ZMYM2: variants seen among roughly 807,000 people sequenced by gnomAD.
ZMYM2 encodes zinc finger MYM-type containing 2.
In ZMYM2, 56 loss-of-function variants were observed where a neutral mutation model predicts 162.8. The observed-to-expected ratio is 0.34, with a 90% confidence interval of 0.28 to 0.43. ZMYM2 has a LOEUF of 0.43. Ranked by LOEUF, ZMYM2 falls within the 20% of genes least tolerant of loss-of-function variation. ZMYM2 has a pLI of 1.00. For synonymous variants in ZMYM2, 510 were observed against 541.6 expected, an observed-to-expected ratio of 0.94 and a Z score of 0.81; for missense variants, 1,275 against 1,621.8, an observed-to-expected ratio of 0.79 and a Z score of 3.67.
the ZMYM2 span, among the ~76,000 whole-genome samples, chr13:19,921,024 C>T: frequency 6.6e-6 from 1 of 152,090 alleles, no homozygotes; most frequent in Non-Finnish European, 1.5e-5. Flanking sequence ...CCACTTTGGC[C>T]TCCCAAAGTG....
At chr13:19,920,937 ATT>A in the ZMYM2 span, among the ~76,000 whole-genome samples, 3 of 138,264 alleles carry the variant, frequency 2.2e-5, no homozygotes, top group Admixed American at 7.3e-5. Flanking sequence ...TAATTTTTGT[ATT>A]TTTTTTTTTT....
At chr13:19,913,918 G>A in the ZMYM2 span, among the ~76,000 whole-genome samples, 3 of 152,146 alleles carry the variant, frequency 2.0e-5, no homozygotes, top group African/African-American at 2.4e-5. Flanking sequence ...TGCAGACACC[G>A]CCTGGAAGTG....
rs576279711 is a variant in ZMYM2, at chr13:19,983,590, A to G, written c.-10-9473A>G. On this transcript the variant is annotated intron_variant, in intron 2 of 24. Transcript: ENST00000610343. ...ATGCTTTTAATAATTCTTTCTTCCT[A>G]TAATTCCTTCTTCCTATTTTATTAG... 1.1e-4 allele frequency among the ~76,000 whole-genome samples: 16 copies of G among 152,196 alleles called. 1 individual carries two copies. The highest frequency in any genetic ancestry group is 7.7e-4 in the East Asian group (4 of 5,192).
the ZMYM2 span, among the ~76,000 whole-genome samples, chr13:19,941,549 G>A: frequency 6.6e-6 from 1 of 151,752 alleles, no homozygotes. Context: ...TCCTTATTTG[G>A]GTATAGTTTG....
At position 20,044,071 on chromosome 13, in the gene ZMYM2, C is replaced by G. The variant is rs1954535885; in HGVS notation, c.2292+7162C>G. The stretch of plus-strand genomic sequence containing the variant: ...ACTGGCCTCTTCTTATGGGCAAGAC[C>G]TCCCCGCAGAGTTCAGATCTGACAG... On this transcript the variant is annotated intron_variant, in intron 12 of 24. Coordinates refer to ENST00000610343, the MANE Select transcript of ZMYM2 (RefSeq NM_197968.4). Among the ~76,000 whole-genome samples the G allele has an allele frequency of 3.9e-5, 6 of 152,222 alleles. No individual in the cohort carries two copies. The South Asian group carries it at 1.2e-3, about 32-fold the overall frequency.
intron 17 of ZMYM2, among the ~76,000 whole-genome samples, chr13:20,062,267 T>A (rs1035872896): frequency 9.2e-5 from 14 of 152,206 alleles, no homozygotes; most frequent in African/African-American, 2.9e-4. Flanking sequence ...ACAGTGTGAA[T>A]CCCTCATAGA....
chr13:20,024,844 ATG>A (rs532611661), intron 7 of ZMYM2: 1 of 216,100 alleles, frequency 4.6e-6, no homozygotes, highest in South Asian at 1.9e-4. Context: ...TCATTAAAGA[ATG>A]AGTTCATTTC....
intron 2 of ZMYM2, among the ~76,000 whole-genome samples, chr13:19,970,600 CAAA>C (rs11365281): frequency 3.2e-4 from 28 of 88,088 alleles, no homozygotes; most frequent in Admixed American, 8.8e-4. Flanking sequence ...AACCCCAAAC[CAAA>C]AAAAAAAAAA....
intron 3 of ZMYM2, among the ~76,000 whole-genome samples, chr13:19,997,959 A>G (rs1403473641): frequency 6.6e-6 from 1 of 152,162 alleles, no homozygotes; most frequent in Non-Finnish European, 1.5e-5. Context: ...TTGTGTATAC[A>G]TCTTGGGATA....
In ZMYM2 at chr13:20,086,019, G is replaced by C; in HGVS notation, c.*5G>C. 6.2e-7 allele frequency: 1 copy of C among 1,612,040 alleles called. No homozygotes were observed. Among genetic ancestry groups the C allele is most frequent in the Non-Finnish European group, 8.5e-7 (1 of 1,179,138 alleles). ...CTGGATGAAGACACAGACTAAAAAG[G>C]AACGTTGCAGAAGCAATCGGGATAA... On this transcript the variant is annotated 3_prime_UTR_variant, in exon 25 of 25. Transcript: ENST00000610343.
chr13:20,061,050 T>C lies in ZMYM2; in HGVS notation c.2740-3T>C. 6 of 1,606,912 alleles carry C rather than the reference T, an allele frequency of 3.7e-6. No individual in the cohort carries two copies. The highest frequency in any genetic ancestry group is 4.3e-6 in the Non-Finnish European group (5 of 1,176,306). ...CCTAACTCAAAATGATTTGGTTAATTAGGTGCCAGTTCCTGTTTTTCTGCC... is the reference window on the plus strand; with the variant it reads ...CCTAACTCAAAATGATTTGGTTAATCAGGTGCCAGTTCCTGTTTTTCTGCC... On this transcript the variant is annotated splice_polypyrimidine_tract_variant and splice_region_variant and intron_variant, in intron 16 of 24. Coordinates refer to ENST00000610343, the MANE Select transcript of ZMYM2 (RefSeq NM_197968.4).
In ZMYM2 at chr13:20,006,367, C is replaced by A; in HGVS notation, c.1300-7C>A. The A allele has an allele frequency of 6.4e-7, 1 of 1,556,210 alleles. No individual in the cohort carries two copies. The highest frequency in any genetic ancestry group is 8.7e-7 in the Non-Finnish European group (1 of 1,149,442). Reference sequence around the variant, plus strand: ...GTTTTGTAAGATTTTGTTTATTTTTCTTTTAGATTCGCCATGAAGTCAGCT... The same window carrying A: ...GTTTTGTAAGATTTTGTTTATTTTTATTTTAGATTCGCCATGAAGTCAGCT... On this transcript the variant is annotated splice_region_variant and splice_polypyrimidine_tract_variant and intron_variant, in intron 5 of 24. Coordinates refer to ENST00000610343, the MANE Select transcript of ZMYM2 (RefSeq NM_197968.4).
At chr13:19,915,356 A>T in the ZMYM2 span, among the ~76,000 whole-genome samples, 1 of 151,998 alleles carries the variant, frequency 6.6e-6, no homozygotes, top group Non-Finnish European at 1.5e-5. Flanking sequence ...CAGCCTCCCA[A>T]AGTGCTAGAA....
chr13:19,906,365 G>GTA, the ZMYM2 span, among the ~76,000 whole-genome samples: 138 of 113,408 alleles, frequency 1.2e-3, 1 homozygote, highest in African/African-American at 4.0e-3. Context: ...ATATATATAT[G>GTA]TATATATATA....
In ZMYM2 at chr13:20,062,789, C is replaced by G. The variant is rs1956326166; in HGVS notation, c.2912-57C>G. ...TGACTTGCTTTTGCCAGATTAAATA[C>G]AGATACCATTGGGGTTTTCTGTTTT... is the stretch of plus-strand genomic sequence containing the variant. On this transcript the variant is annotated intron_variant, in intron 17 of 24. Transcript: ENST00000610343. The G allele has an allele frequency of 1.9e-5, 28 of 1,455,616 alleles. 1 individual carries two copies. In the South Asian group the frequency reaches 3.7e-4, roughly 19 times the overall value. The allele number at this position is 1,455,616 out of a possible 1,614,324, so 90.2% of individuals were successfully genotyped here.
At chr13:19,937,152 C>CT in the ZMYM2 span, among the ~76,000 whole-genome samples, 147 of 146,720 alleles carry the variant, frequency 1.0e-3, no homozygotes, top group Middle Eastern at 7.1e-3. Context: ...TAGTATTCTA[C>CT]TTTTTTTTTT....
the ZMYM2 span, among the ~76,000 whole-genome samples, chr13:19,911,044 CTTTTTT>C: frequency 1.1e-5 from 1 of 89,282 alleles, no homozygotes; most frequent in Non-Finnish European, 2.4e-5. Context: ...AGTTCCCAGT[CTTTTTT>C]TTTTTTTTTT....
intron 7 of ZMYM2, among the ~76,000 whole-genome samples, chr13:20,024,144 A>G (rs9579769): frequency 0.079 from 11,966 of 152,152 alleles, 668 homozygotes; most frequent in African/African-American, 0.15. Flanking sequence ...CATGTTGGCC[A>G]GGCTGGTCTC....
At chr13:19,960,830 C>T (rs140175080) in intron 2 of ZMYM2, among the ~76,000 whole-genome samples, 2 of 152,326 alleles carry the variant, frequency 1.3e-5, no homozygotes, top group African/African-American at 4.8e-5. Flanking sequence ...CATTATGTCT[C>T]TGGAGCCCAT....
Sources: gnomAD v4.1 joint callset for allele counts (sites outside exome capture counted in the v4.1 genomes callset) on GRCh38, gnomAD v4.1.1 for gene constraint, MANE v1.5 for transcripts, NCBI Gene and HGNC (gene_info 2026-07-23, HGNC 2026-07-21) for gene names.